Variants in SGCD observed in about 807,000 individuals in gnomAD.
The protein encoded by SGCD is sarcoglycan delta.
In SGCD, 18 loss-of-function variants were observed where a neutral mutation model predicts 36.6. That is an observed-to-expected ratio of 0.49 (90% CI 0.34 to 0.73). The LOEUF is 0.73. Among genes scored for constraint, SGCD ranks in the 30% least tolerant of loss-of-function variants. SGCD has a pLI of 0.01. For missense variants in SGCD, 387 were observed against 346.7 expected, an observed-to-expected ratio of 1.12 and a Z score of -0.92; for synonymous variants, 133 against 130.6, an observed-to-expected ratio of 1.02 and a Z score of -0.12.
At chr5:156,236,837 A>ATTTT (rs571943122) in intron 3 of SGCD, among the ~76,000 whole-genome samples, 1 of 139,880 alleles carries the variant, frequency 7.1e-6, no homozygotes, top group Non-Finnish European at 1.6e-5. Context: ...GCTGAGCCAG[A>ATTTT]TTTTTTTTTT....
At chr5:156,351,023 GA>G (rs1769223283) in intron 3 of SGCD, among the ~76,000 whole-genome samples, 2 of 152,228 alleles carry the variant, frequency 1.3e-5, no homozygotes, top group South Asian at 4.1e-4. Flanking sequence ...TCTGAAGCTG[GA>G]AAAATAGCTT....
chr5:156,185,726 C>A (rs1763726333), intron 3 of SGCD, among the ~76,000 whole-genome samples: 1 of 150,746 alleles, frequency 6.6e-6, no homozygotes, highest in African/African-American at 2.4e-5. Context: ...TCACAAAAAC[C>A]CTCCCCTGTG....
chr5:156,109,565 C>G (rs1366570107), intron 1 of SGCD, among the ~76,000 whole-genome samples: 2 of 152,166 alleles, frequency 1.3e-5, no homozygotes, highest in African/African-American at 4.8e-5. Context: ...ATATGCAACT[C>G]ATCCATCCAT....
intron 3 of SGCD, among the ~76,000 whole-genome samples, chr5:156,141,745 A>G (rs1299763730): frequency 6.6e-6 from 1 of 152,182 alleles, no homozygotes; most frequent in East Asian, 1.9e-4. Flanking sequence ...ATGGGAAGGA[A>G]CCCATTTCTA....
At chr5:155,809,219 C>T in the SGCD span, among the ~76,000 whole-genome samples, 3 of 152,258 alleles carry the variant, frequency 2.0e-5, no homozygotes, top group East Asian at 1.9e-4. Context: ...AGAAATCCAC[C>T]GACTGGCACT....
intron 3 of SGCD, among the ~76,000 whole-genome samples, chr5:156,295,630 A>G (rs1766873349): frequency 6.6e-6 from 1 of 152,126 alleles, no homozygotes; most frequent in African/African-American, 2.4e-5. Flanking sequence ...GATCCAGGGG[A>G]TTTGCTAGTG....
At chr5:156,538,154 A>C (rs1758198776) in intron 4 of SGCD, among the ~76,000 whole-genome samples, 1 of 152,120 alleles carries the variant, frequency 6.6e-6, no homozygotes, top group African/African-American at 2.4e-5. Flanking sequence ...GTTGACTGAA[A>C]GTGCTTCCAC....
intron 3 of SGCD, among the ~76,000 whole-genome samples, chr5:156,147,633 C>T (rs1762735803): frequency 6.6e-6 from 1 of 152,164 alleles, no homozygotes; most frequent in South Asian, 2.1e-4. Context: ...TATCAGCTAT[C>T]TTTATAATGC....
At chr5:156,108,356 C>T (rs1312302544) in intron 1 of SGCD, among the ~76,000 whole-genome samples, 6 of 152,042 alleles carry the variant, frequency 3.9e-5, no homozygotes, top group Non-Finnish European at 4.4e-5. Flanking sequence ...TGGCTAGGAA[C>T]TTTTGTCTCT....
chr5:155,827,845 A>ATTTTTTTTTTTTTTTT, the SGCD span, among the ~76,000 whole-genome samples: 1 of 124,934 alleles, frequency 8.0e-6, no homozygotes. Flanking sequence ...CACCTGGCTA[A>ATTTTTTTTTTTTTTTT]TTTTTTTTTT....
intron 2 of SGCD, among the ~76,000 whole-genome samples, chr5:156,332,624 C>T (rs1580832223): frequency 6.6e-6 from 1 of 152,234 alleles, no homozygotes; most frequent in Non-Finnish European, 1.5e-5. Flanking sequence ...GTTGTGGCTT[C>T]ATTCTCTCAG....
intron 6 of SGCD, among the ~76,000 whole-genome samples, chr5:156,609,069 G>A (rs200030107): frequency 6.6e-6 from 1 of 151,800 alleles, no homozygotes; most frequent in Non-Finnish European, 1.5e-5. Context: ...TGTTATGTGT[G>A]AATTTGATCC....
At chr5:155,913,900 C>G (rs1369072084) in intron 1 of SGCD, among the ~76,000 whole-genome samples, 1 of 152,176 alleles carries the variant, frequency 6.6e-6, no homozygotes, top group Non-Finnish European at 1.5e-5. Flanking sequence ...TGCTACTAAC[C>G]TTTATTAGTC....
At chr5:155,758,690 A>G in the SGCD span, among the ~76,000 whole-genome samples, 5 of 152,214 alleles carry the variant, frequency 3.3e-5, no homozygotes, top group Non-Finnish European at 7.3e-5. Context: ...CCTTATGAGA[A>G]TCTAGTGCCT....
chr5:156,513,696 A>G (rs568583616), intron 4 of SGCD, among the ~76,000 whole-genome samples: 1 of 152,252 alleles, frequency 6.6e-6, no homozygotes, highest in Non-Finnish European at 1.5e-5. Context: ...ATCTGATTTC[A>G]TTACTGAAGG....
At chr5:156,024,218 C>G (rs1224623614) in intron 1 of SGCD, among the ~76,000 whole-genome samples, 3 of 151,912 alleles carry the variant, frequency 2.0e-5, no homozygotes, top group Admixed American at 2.0e-4. Context: ...GAGACTGAGA[C>G]AGGCAATGTG....
chr5:156,374,910 T>A (rs1052740024), intron 3 of SGCD, among the ~76,000 whole-genome samples: 1 of 152,160 alleles, frequency 6.6e-6, no homozygotes, highest in Non-Finnish European at 1.5e-5. Context: ...TAAATAAACA[T>A]TTGTGACATG....
At chr5:156,733,300 ATTTACCCAAGAGTC>A (rs1274022667) in intron 7 of SGCD, among the ~76,000 whole-genome samples, 1 of 152,024 alleles carries the variant, frequency 6.6e-6, no homozygotes, top group Non-Finnish European at 1.5e-5. Context: ...TAATTTCATT[ATTTACCCAAGAGTC>A]ATTCAGGAGT....
chr5:156,021,376 C>A (rs1157602824), intron 1 of SGCD, among the ~76,000 whole-genome samples: 1 of 152,038 alleles, frequency 6.6e-6, no homozygotes, highest in African/African-American at 2.4e-5. Context: ...GACTATTAGC[C>A]AAGCATGGTG....
Sources: allele counts gnomAD v4.1 joint callset (sites outside exome capture counted in the v4.1 genomes callset), GRCh38; gene constraint gnomAD v4.1.1; transcripts MANE v1.5; gene names NCBI Gene and HGNC (gene_info 2026-07-23, HGNC 2026-07-21).